The following ABCC4 variants were observed in gnomAD, a reference collection of about 807,000 sequenced individuals.
The protein encoded by ABCC4 is ATP binding cassette subfamily C member 4 (PEL blood group).
ABCC4 carries 102 observed loss-of-function variants against 168.5 expected under a neutral mutation model. The ratio of observed to expected loss-of-function variants is 0.61; its 90% CI spans 0.52 to 0.71. The LOEUF (loss-of-function observed/expected upper bound fraction) is 0.71, where lower values mean the gene tolerates loss of function less well. Ranked by LOEUF, ABCC4 falls within the 30% of genes least tolerant of loss-of-function variation. ABCC4 has a pLI of 0.00. For synonymous variants in ABCC4, 617 were observed against 590.7 expected (o/e 1.04, Z -0.65); for missense variants, 1,402 against 1,605.8 (o/e 0.87, Z 2.17).
intron 30 of ABCC4, among the ~76,000 whole-genome samples, chr13:95,029,196 A>G (rs1247236289): frequency 3.4e-5 from 3 of 87,602 alleles, no homozygotes; most frequent in African/African-American, 1.6e-4. Context: ...ATATATATAT[A>G]TATATATATA....
rs553383010 is a variant in ABCC4 at position 95,202,214 on chromosome 13, C to T, written c.1161+4318G>A. On this transcript the variant is annotated intron_variant, in intron 8 of 30. Transcript: ENST00000645237. ...GGGAATTCTGCCTCAAGACTGTCCT[C>T]CTCAGACTCAAGCTGCATCATCAGC... 3.3e-5 allele frequency among the ~76,000 whole-genome samples: 5 copies of T among 152,344 alleles called. No homozygotes were observed. The East Asian group carries it at 9.6e-4, about 29-fold the overall frequency.
chr13:95,061,444 C>T (rs887310909), intron 26 of ABCC4, among the ~76,000 whole-genome samples: 2 of 152,188 alleles, frequency 1.3e-5, no homozygotes, highest in African/African-American at 4.8e-5. Flanking sequence ...ATAAAAATCA[C>T]ATTCTCCTTC....
chr13:95,297,656 A>G (rs1424151860), intron 1 of ABCC4, among the ~76,000 whole-genome samples: 1 of 152,156 alleles, frequency 6.6e-6, no homozygotes, highest in Non-Finnish European at 1.5e-5. Flanking sequence ...GCAGGAGGCT[A>G]AGGCACAAAA....
At chr13:95,054,988 C>T (rs1189444) in intron 26 of ABCC4, among the ~76,000 whole-genome samples, 121,046 of 152,140 alleles carry the variant, frequency 0.8, 48,230 homozygotes, top group South Asian at 0.87. Flanking sequence ...ATGGAAACGA[C>T]GGTAAAATGG....
chr13:95,038,506 G>A (rs1040288766), intron 29 of ABCC4, among the ~76,000 whole-genome samples: 6 of 152,070 alleles, frequency 3.9e-5, no homozygotes, highest in African/African-American at 1.4e-4. Context: ...AGGAGCTTCA[G>A]GGAGGAGAAA....
At position 95,029,988 on chromosome 13, in the gene ABCC4, TATCC is replaced by T. The variant is rs71207571; in HGVS notation, c.3870+4613_3870+4616del. On this transcript the variant is annotated intron_variant, in intron 30 of 30. Transcript: ENST00000645237. The stretch of plus-strand genomic sequence containing the variant: ...AGGATGTCAGGACTTCTTGTCTATC[TATCC>T]ATCCATCCATCCATCCATCCATCCA... Among the ~76,000 whole-genome samples, 260 of 146,438 alleles carry T rather than the reference TATCC, an allele frequency of 1.8e-3. No homozygotes were observed. The East Asian group carries it at 0.02, about 11-fold the overall frequency.
At chr13:95,155,887 C>T (rs75432690) in intron 19 of ABCC4, among the ~76,000 whole-genome samples, 15 of 152,280 alleles carry the variant, frequency 9.9e-5, no homozygotes, top group East Asian at 3.9e-4. Flanking sequence ...GACAACAAAC[C>T]GCTCATCTTT....
chr13:95,281,233 C>G (rs7323903), intron 1 of ABCC4, among the ~76,000 whole-genome samples: 1,732 of 135,888 alleles, frequency 0.013, 33 homozygotes, highest in African/African-American at 0.045. Context: ...TCACTTGAAT[C>G]TGGGAGGTGG....
intron 21 of ABCC4, among the ~76,000 whole-genome samples, chr13:95,079,598 G>T (rs1331800327): frequency 6.6e-6 from 1 of 152,214 alleles, no homozygotes; most frequent in Non-Finnish European, 1.5e-5. Context: ...ACTTTGGGAG[G>T]CTGAGGCGGG....
intron 19 of ABCC4, among the ~76,000 whole-genome samples, chr13:95,135,188 A>C (rs72642398): frequency 0.047 from 7,113 of 152,276 alleles, 222 homozygotes; most frequent in Middle Eastern, 0.13. Context: ...GCTATCTGCA[A>C]GAGACACCAG....
chr13:95,155,848 T>C (rs1178686285), intron 19 of ABCC4, among the ~76,000 whole-genome samples: 1 of 152,246 alleles, frequency 6.6e-6, no homozygotes, highest in Non-Finnish European at 1.5e-5. Context: ...CTAAATGTTA[T>C]GTCACCATAA....
intron 1 of ABCC4, among the ~76,000 whole-genome samples, chr13:95,290,780 G>A (rs1255327531): frequency 2.0e-5 from 3 of 148,346 alleles, no homozygotes; most frequent in African/African-American, 7.4e-5. Context: ...TTGCACTCCA[G>A]CCTGGGCAAA....
At chr13:95,204,662 G>A (rs868427897) in intron 8 of ABCC4, among the ~76,000 whole-genome samples, 1 of 152,156 alleles carries the variant, frequency 6.6e-6, no homozygotes, top group African/African-American at 2.4e-5. Flanking sequence ...CCCAGTCTCA[G>A]GAAGTTCTTT....
intron 25 of ABCC4, among the ~76,000 whole-genome samples, chr13:95,069,764 C>T (rs1022493524): frequency 4.6e-5 from 7 of 152,198 alleles, no homozygotes; most frequent in Non-Finnish European, 1.0e-4. Context: ...TCATCCATGT[C>T]AGAATCACAC....
At chr13:95,141,998 AACTAGTACAACC>A (rs1230873204) in intron 19 of ABCC4, among the ~76,000 whole-genome samples, 1 of 152,208 alleles carries the variant, frequency 6.6e-6, no homozygotes, top group Non-Finnish European at 1.5e-5. Context: ...TGGGAATGTA[AACTAGTACAACC>A]ACTAAGGAAG....
intron 19 of ABCC4, among the ~76,000 whole-genome samples, 192 bp downstream of exon 19, chr13:95,160,997 C>T (rs1313908893): frequency 6.7e-6 from 1 of 149,650 alleles, no homozygotes; most frequent in African/African-American, 2.5e-5. Context: ...GTATGCCCCC[C>T]CCTCCCCCCG....
chr13:95,022,891 C>T (rs1195922586), intron 30 of ABCC4, among the ~76,000 whole-genome samples: 2 of 152,176 alleles, frequency 1.3e-5, no homozygotes, highest in Non-Finnish European at 2.9e-5. Flanking sequence ...ATATAACACA[C>T]AATGTACTAA....
chr13:95,037,803 AC>A (rs1373494116), intron 29 of ABCC4, among the ~76,000 whole-genome samples: 2 of 152,156 alleles, frequency 1.3e-5, no homozygotes, highest in Non-Finnish European at 2.9e-5. Flanking sequence ...GAGTCCTATT[AC>A]ACCCAGGACT....
intron 20 of ABCC4, among the ~76,000 whole-genome samples, chr13:95,100,704 A>T (rs1189488337): frequency 1.3e-5 from 2 of 151,900 alleles, no homozygotes; most frequent in Non-Finnish European, 2.9e-5. Flanking sequence ...CAGTGACTAA[A>T]ACTCTTTTGT....
Sources: allele counts gnomAD v4.1 joint callset (sites outside exome capture counted in the v4.1 genomes callset), GRCh38; gene constraint gnomAD v4.1.1; transcripts MANE v1.5; gene names NCBI Gene and HGNC (gene_info 2026-07-23, HGNC 2026-07-21).